VWC2L: variants seen among roughly 807,000 people sequenced by gnomAD.
The protein encoded by VWC2L is von Willebrand factor C domain containing 2 like.
VWC2L carries 10 observed loss-of-function variants against 21.6 expected under a neutral mutation model. That is an observed-to-expected ratio of 0.46 (90% CI 0.29 to 0.78). The LOEUF is 0.78. VWC2L is among the 30% of genes least tolerant of loss of function. The pLI is 0.10. For missense variants in VWC2L, 209 were observed against 277.1 expected (o/e 0.75, Z 1.74); for synonymous variants, 96 against 94.3 (o/e 1.02, Z -0.10).
intron 3 of VWC2L, among the ~76,000 whole-genome samples, chr2:214,570,831 T>C (rs1162978620): frequency 6.6e-6 from 1 of 152,078 alleles, no homozygotes; most frequent in East Asian, 1.9e-4. Flanking sequence ...AGGCCCCCAT[T>C]TGTGTGGGGG....
chr2:214,498,350 T>G (rs1688840361), intron 3 of VWC2L, among the ~76,000 whole-genome samples: 1 of 152,078 alleles, frequency 6.6e-6, no homozygotes. Context: ...AGACATAAAG[T>G]GTGTGGTTTC....
intron 3 of VWC2L, among the ~76,000 whole-genome samples, chr2:214,554,263 T>C (rs562957053): frequency 1.3e-5 from 2 of 152,176 alleles, no homozygotes. Flanking sequence ...GTGTACGGTG[T>C]CAACCAAAAA....
At chr2:214,447,537 G>A (rs561186951) in intron 3 of VWC2L, among the ~76,000 whole-genome samples, 1 of 152,294 alleles carries the variant, frequency 6.6e-6, no homozygotes, top group East Asian at 1.9e-4. Context: ...GAATCCCAGA[G>A]CCAACCGCGC....
At chr2:214,556,903 C>G (rs900058060) in intron 3 of VWC2L, among the ~76,000 whole-genome samples, 16 of 152,290 alleles carry the variant, frequency 1.1e-4, no homozygotes, top group African/African-American at 3.8e-4. Flanking sequence ...ATAGCTAACA[C>G]TTGTACAGGG....
chr2:214,520,164 C>A (rs1689212922), intron 3 of VWC2L, among the ~76,000 whole-genome samples: 1 of 151,744 alleles, frequency 6.6e-6, no homozygotes, highest in South Asian at 2.1e-4. Context: ...TATAATCCCA[C>A]CACCCAGAGA....
At chr2:214,562,574 T>A (rs1433903153) in intron 3 of VWC2L, among the ~76,000 whole-genome samples, 4 of 152,208 alleles carry the variant, frequency 2.6e-5, no homozygotes, top group Non-Finnish European at 4.4e-5. Flanking sequence ...GCACACCGTC[T>A]TCCACAGTGG....
At chr2:214,523,779 G>A (rs1689282272) in intron 3 of VWC2L, among the ~76,000 whole-genome samples, 1 of 152,094 alleles carries the variant, frequency 6.6e-6, no homozygotes, top group Admixed American at 6.6e-5. Flanking sequence ...AGGCTGCAGT[G>A]AGCCGAGATC....
intron 3 of VWC2L, among the ~76,000 whole-genome samples, chr2:214,558,993 G>A (rs1181411170): frequency 6.6e-6 from 1 of 151,308 alleles, no homozygotes; most frequent in African/African-American, 2.4e-5. Flanking sequence ...CTAGCATTAG[G>A]TATATCTCCC....
chr2:214,418,735 A>G (rs1369694868), intron 2 of VWC2L, among the ~76,000 whole-genome samples: 2 of 152,182 alleles, frequency 1.3e-5, no homozygotes, highest in South Asian at 4.1e-4. Flanking sequence ...CTTTAGAATG[A>G]TTTAGTTTCT....
chr2:214,436,387 A>G, intron 2 of VWC2L: 1 of 412,962 alleles, frequency 2.4e-6, no homozygotes, highest in South Asian at 4.0e-5. Flanking sequence ...AACATAAGAT[A>G]TAGGAAAAGT....
chr2:214,463,028 T>G (rs1174636017), intron 3 of VWC2L, among the ~76,000 whole-genome samples: 3 of 152,200 alleles, frequency 2.0e-5, no homozygotes, highest in African/African-American at 7.2e-5. Context: ...AAACATGTTT[T>G]ACGGCCAAGA....
rs77045178 is a variant in VWC2L, at chr2:214,484,122, G to A, written c.520+47364G>A. Among the ~76,000 whole-genome samples the A allele has an allele frequency of 3.3e-5, 5 of 152,160 alleles. No individual in the cohort carries two copies. In the East Asian group the frequency reaches 7.7e-4, roughly 24 times the overall value. ...ATGGCCTGCTCCCCTATGCGCCTGCGTGTCTGCTTTTCCTTTTAATAAGGA... is the reference window on the plus strand; with the variant it reads ...ATGGCCTGCTCCCCTATGCGCCTGCATGTCTGCTTTTCCTTTTAATAAGGA... On this transcript the variant is annotated intron_variant, in intron 3 of 3. Transcript: ENST00000312504.
At chr2:214,442,797 ATG>A (rs1451926601) in intron 3 of VWC2L, among the ~76,000 whole-genome samples, 1 of 152,202 alleles carries the variant, frequency 6.6e-6, no homozygotes, top group Non-Finnish European at 1.5e-5. Flanking sequence ...AACTAAAAAA[ATG>A]AAGCTAAAAA....
intron 2 of VWC2L, among the ~76,000 whole-genome samples, chr2:214,428,397 A>G (rs935942860): frequency 6.6e-6 from 1 of 152,198 alleles, no homozygotes; most frequent in African/African-American, 2.4e-5. Context: ...TCATATAGCC[A>G]AGTTCCACTG....
intron 3 of VWC2L, among the ~76,000 whole-genome samples, chr2:214,546,892 A>G (rs183853283): frequency 6.6e-6 from 1 of 152,298 alleles, no homozygotes; most frequent in Admixed American, 6.5e-5. Flanking sequence ...TAATTTTAAT[A>G]CTAAGGACAA....
At chr2:214,546,312 C>T (rs1689705669) in intron 3 of VWC2L, among the ~76,000 whole-genome samples, 1 of 152,148 alleles carries the variant, frequency 6.6e-6, no homozygotes, top group Non-Finnish European at 1.5e-5. Context: ...TTTCCATATG[C>T]TCATTGTGTT....
chr2:214,434,638 T>C (rs1702651253), intron 2 of VWC2L, among the ~76,000 whole-genome samples: 1 of 152,156 alleles, frequency 6.6e-6, no homozygotes. Context: ...GAGATAAAGA[T>C]AAAAACAAGT....
chr2:214,439,141 A>G (rs1702723990), intron 3 of VWC2L, among the ~76,000 whole-genome samples: 1 of 152,052 alleles, frequency 6.6e-6, no homozygotes, highest in African/African-American at 2.4e-5. Context: ...CAATGAAGAC[A>G]CGTATGACCA....
At chr2:214,561,287 C>T (rs1689966480) in intron 3 of VWC2L, among the ~76,000 whole-genome samples, 1 of 152,122 alleles carries the variant, frequency 6.6e-6, no homozygotes, top group Non-Finnish European at 1.5e-5. Context: ...TGCCCTTGTT[C>T]ATTACACCTG....
Sources: gnomAD v4.1 joint callset for allele counts (sites outside exome capture counted in the v4.1 genomes callset) on GRCh38, gnomAD v4.1.1 for gene constraint, MANE v1.5 for transcripts, NCBI Gene and HGNC (gene_info 2026-07-23, HGNC 2026-07-21) for gene names.